The following FBXO11 variants were observed in gnomAD, a reference collection of about 807,000 sequenced individuals.
The protein encoded by FBXO11 is F-box only protein 11.
FBXO11 carries 13 observed loss-of-function variants against 117.0 expected under a neutral mutation model. The observed-to-expected ratio is 0.11, with a 90% CI of 0.07 to 0.18. The LOEUF (loss-of-function observed/expected upper bound fraction) is 0.18, where lower values mean the gene tolerates loss of function less well. Among genes scored for constraint, FBXO11 ranks in the 10% least tolerant of loss-of-function variants. The probability of loss-of-function intolerance (pLI) is 1.00; values close to 1 mark genes in which losing one functional copy is unlikely to be tolerated. For missense variants in FBXO11, 767 were observed against 1,164.4 expected (o/e 0.66, Z 4.97); for synonymous variants, 490 against 380.5 (o/e 1.29, Z -3.35).
At chr2:47,833,214 C>T (rs1444295616) in intron 7 of FBXO11, 144 bp from the exon 8 acceptor site, 1 of 612,172 alleles carries the variant, frequency 1.6e-6, no homozygotes. Flanking sequence ...TCATCATCAG[C>T]CTTTGCTATA....
intron 1 of FBXO11, among the ~76,000 whole-genome samples, chr2:47,877,843 C>A (rs887392247): frequency 1.3e-5 from 2 of 152,182 alleles, no homozygotes; most frequent in African/African-American, 2.4e-5. Context: ...TGCCAACACG[C>A]CCAGCTAATT....
chr2:47,896,920 T>C (rs1174524384), intron 1 of FBXO11, among the ~76,000 whole-genome samples: 2 of 152,174 alleles, frequency 1.3e-5, no homozygotes, highest in African/African-American at 4.8e-5. Flanking sequence ...TCTCAACAAA[T>C]CTTCTTTGAT....
At chr2:47,889,098 A>C (rs1238743007) in intron 1 of FBXO11, among the ~76,000 whole-genome samples, 2 of 152,172 alleles carry the variant, frequency 1.3e-5, no homozygotes, top group African/African-American at 2.4e-5. Context: ...ATAAGTTAGC[A>C]GTATTTTTTT....
Position 47,809,687 on chromosome 2 carries a change from C to G in FBXO11, c.2359G>C (p.Ala787Pro). 1 of 1,613,050 alleles carries G rather than the reference C, an allele frequency of 6.2e-7. No individual in the cohort carries two copies. Among genetic ancestry groups the G allele is most frequent in the Non-Finnish European group, 8.5e-7 (1 of 1,179,504 alleles). Residue 787 changes from alanine (A) to proline (P), a missense_variant, in exon 20 of 23, where the codon GCA becomes CCA. By Grantham distance (27) the Ala-to-Pro change is conservative. Transcript: ENST00000403359. ...FAAGIEITNH[A>P]TATLEGNQIF... ...TGATTGCCTTCTAGTGTTGCAGTTG[C>G]GTGATTTGTAATTTCAATACCTGAA...
chr2:47,901,936 TAC>T (rs923056076), intron 1 of FBXO11, among the ~76,000 whole-genome samples: 24 of 152,314 alleles, frequency 1.6e-4, no homozygotes, highest in Admixed American at 1.4e-3. Flanking sequence ...CTGCGTAAAA[TAC>T]AGTTTTTATT....
chr2:47,868,282 CA>C lies in FBXO11; in HGVS notation c.233-28514del, dbSNP rs371849610. On this transcript the variant is annotated intron_variant, in intron 1 of 22. Coordinates refer to ENST00000403359, the MANE Select transcript of FBXO11 (RefSeq NM_001190274.2). ...TGGGGGTAGAGCAAGACTCTACCTC[CA>C]AAAAAAAAAAAAAAAAAAAGCTGGG... 7.3e-3 allele frequency among the ~76,000 whole-genome samples: 588 copies of C among 80,536 alleles called. 1 individual carries two copies. Among genetic ancestry groups the C allele is most frequent in the African/African-American group, 0.021 (413 of 19,524 alleles). The allele number at this position is 80,536 out of a possible 152,430, so 52.8% of individuals were successfully genotyped here. A position where few individuals can be genotyped will look rare whatever the true frequency, so the allele number is the denominator to read the frequency against.
At chr2:47,820,265 A>G (rs1352577690) in intron 14 of FBXO11, 97 bp downstream of exon 14, 1 of 778,804 alleles carries the variant, frequency 1.3e-6, no homozygotes, top group East Asian at 2.6e-5. Context: ...TCATACCTCA[A>G]AAGTTGAATA....
chr2:47,856,933 G>C (rs927399755), intron 1 of FBXO11, among the ~76,000 whole-genome samples: 2 of 152,182 alleles, frequency 1.3e-5, no homozygotes, highest in African/African-American at 4.8e-5. Flanking sequence ...ATGATTTAAA[G>C]CTATACTGGG....
At chr2:47,868,541 T>G (rs1675370667) in intron 1 of FBXO11, among the ~76,000 whole-genome samples, 1 of 152,130 alleles carries the variant, frequency 6.6e-6, no homozygotes, top group Non-Finnish European at 1.5e-5. Flanking sequence ...TATTTGAGAG[T>G]TGGACCTCCC....
rs1203868298 is a variant in FBXO11, at chr2:47,876,517, T to C, written c.232+28972A>G. Among the ~76,000 whole-genome samples, 5 of 152,210 alleles carry C rather than the reference T, an allele frequency of 3.3e-5. No individual in the cohort carries two copies. In the South Asian group the frequency reaches 6.2e-4, roughly 19 times the overall value. ...TCTTGCTGACAGATAATAGTTTAAA[T>C]GAGTATAGAATCAAGGTCAACAGTT... On this transcript the variant is annotated intron_variant, in intron 1 of 22. Transcript: ENST00000403359.
At chr2:47,904,774 G>A (rs985245183) in intron 1 of FBXO11, among the ~76,000 whole-genome samples, 2 of 152,060 alleles carry the variant, frequency 1.3e-5, no homozygotes, top group Non-Finnish European at 1.5e-5. Flanking sequence ...CGAGGGAGGG[G>A]GCTGGAAATG....
intron 1 of FBXO11, among the ~76,000 whole-genome samples, chr2:47,885,924 A>G (rs1676803421): frequency 1.3e-5 from 2 of 152,166 alleles, no homozygotes; most frequent in African/African-American, 4.8e-5. Context: ...CTATCTCTGA[A>G]CAGTCCTTCC....
intron 1 of FBXO11, chr2:47,883,863 T>A (rs1335675846): frequency 1.6e-5 from 3 of 183,846 alleles, no homozygotes; most frequent in African/African-American, 7.2e-5. Context: ...TTGACAGATA[T>A]TATTGTGGCA....
chr2:47,887,295 A>AT (rs1192370267), intron 1 of FBXO11, among the ~76,000 whole-genome samples: 1 of 140,040 alleles, frequency 7.1e-6, no homozygotes, highest in Non-Finnish European at 1.5e-5. Flanking sequence ...CAAAAAAAAA[A>AT]GGTGGGGGGG....
intron 1 of FBXO11, among the ~76,000 whole-genome samples, chr2:47,851,700 GCA>G (rs2103653570): frequency 6.6e-6 from 1 of 152,240 alleles, no homozygotes; most frequent in Non-Finnish European, 1.5e-5. Flanking sequence ...ATCGTCATAC[GCA>G]CACAGTTTAA....
At chr2:47,897,829 C>A (rs1432739262) in intron 1 of FBXO11, among the ~76,000 whole-genome samples, 2 of 151,470 alleles carry the variant, frequency 1.3e-5, no homozygotes, top group Non-Finnish European at 2.9e-5. Context: ...ATGAGATTAT[C>A]ACTATTATCA....
intron 1 of FBXO11, among the ~76,000 whole-genome samples, chr2:47,870,324 C>CT (rs1675531798): frequency 6.6e-6 from 1 of 152,194 alleles, no homozygotes; most frequent in Admixed American, 6.5e-5. Context: ...TACATAGTCT[C>CT]TGTGTGTGGG....
chr2:47,883,730 G>A lies in FBXO11; in HGVS notation c.232+21759C>T. On this transcript the variant is annotated intron_variant, in intron 1 of 22. Coordinates refer to ENST00000403359, the MANE Select transcript of FBXO11 (RefSeq NM_001190274.2). Reference sequence around the variant, plus strand: ...ACTCCCAAGAAGAATAAGCACGAGAGAAAGAAGGTTAAGTTGGCTGTCCTT... The same window carrying A: ...ACTCCCAAGAAGAATAAGCACGAGAAAAAGAAGGTTAAGTTGGCTGTCCTT... The A allele has an allele frequency of 1.1e-5, 3 of 263,332 alleles. No individual in the cohort carries two copies. In the South Asian group the frequency reaches 1.4e-4, roughly 12 times the overall value. The allele number at this position is 263,332 out of a possible 1,614,324, so 16.3% of individuals were successfully genotyped here.
At chr2:47,879,034 C>T (rs751792829) in intron 1 of FBXO11, among the ~76,000 whole-genome samples, 12 of 152,102 alleles carry the variant, frequency 7.9e-5, no homozygotes, top group Non-Finnish European at 1.8e-4. Context: ...CCCCTTTCTC[C>T]AGGTAACGCA....
Sources: gnomAD v4.1 joint callset for allele counts (sites outside exome capture counted in the v4.1 genomes callset) on GRCh38, gnomAD v4.1.1 for gene constraint, MANE v1.5 for transcripts, NCBI Gene and HGNC (gene_info 2026-07-23, HGNC 2026-07-21) for gene names.